The following SGCD variants were observed in gnomAD, a reference collection of about 807,000 sequenced individuals.
SGCD encodes the protein delta-sarcoglycan.
A neutral mutation model predicts 36.6 loss-of-function variants in SGCD; 18 were observed. The observed-to-expected ratio is 0.49, with a 90% CI of 0.34 to 0.73. SGCD has a LOEUF of 0.73. SGCD is among the 30% of genes least tolerant of loss of function. The pLI is 0.01. For missense variants in SGCD, 387 were observed against 346.7 expected, an observed-to-expected ratio of 1.12 and a Z score of -0.92; for synonymous variants, 133 against 130.6, an observed-to-expected ratio of 1.02 and a Z score of -0.12.
intron 3 of SGCD, among the ~76,000 whole-genome samples, chr5:156,210,572 A>G (rs994449911): frequency 3.3e-5 from 5 of 152,140 alleles, no homozygotes; most frequent in African/African-American, 1.2e-4. Context: ...GAAATCAAGA[A>G]AAGAATAAAT....
the SGCD span, among the ~76,000 whole-genome samples, chr5:155,828,534 G>T: frequency 6.6e-6 from 1 of 152,176 alleles, no homozygotes; most frequent in African/African-American, 2.4e-5. Flanking sequence ...TATGGTAGAT[G>T]TGTGTAGGAA....
At chr5:156,680,367 T>C (rs1421759419) in intron 7 of SGCD, among the ~76,000 whole-genome samples, 1 of 152,188 alleles carries the variant, frequency 6.6e-6, no homozygotes, top group African/African-American at 2.4e-5. Flanking sequence ...CCTGATCTCA[T>C]GATTACTAGA....
In SGCD at chr5:156,760,152, A is replaced by G. The variant is rs973674921; in HGVS notation, c.*762A>G. 1.3e-5 allele frequency: 2 copies of G among 152,196 alleles called. No homozygotes were observed. The highest frequency in any genetic ancestry group is 2.9e-5 in the Non-Finnish European group (2 of 68,048). 9.4% of individuals were successfully genotyped at this position (152,196 alleles called of 1,614,324 possible). A position where few individuals can be genotyped will look rare whatever the true frequency, so the allele number is the denominator to read the frequency against. ...GAGCTGTAAATCAGCACAAAATAAG[A>G]TAACAGCTGTTCCTCAGTGAGCTGG... On this transcript the variant is annotated 3_prime_UTR_variant, in exon 9 of 9. Coordinates refer to ENST00000337851, the MANE Select transcript of SGCD (RefSeq NM_000337.6).
intron 7 of SGCD, among the ~76,000 whole-genome samples, chr5:156,703,509 C>G (rs757336451): frequency 6.6e-6 from 1 of 151,734 alleles, no homozygotes; most frequent in African/African-American, 2.4e-5. Flanking sequence ...TTTTAACATG[C>G]ATTTAAAAGA....
chr5:155,987,086 G>A (rs978119685), intron 1 of SGCD, among the ~76,000 whole-genome samples: 1 of 152,190 alleles, frequency 6.6e-6, no homozygotes, highest in Admixed American at 6.5e-5. Context: ...ATAGGAGAAA[G>A]TGGACTTGAA....
At chr5:156,669,967 A>T (rs1753220224) in intron 7 of SGCD, among the ~76,000 whole-genome samples, 1 of 152,198 alleles carries the variant, frequency 6.6e-6, no homozygotes, top group African/African-American at 2.4e-5. Context: ...TTACTAGACC[A>T]TCTATGAAAG....
chr5:156,617,030 AG>A (rs1762047044), intron 6 of SGCD, among the ~76,000 whole-genome samples: 1 of 152,158 alleles, frequency 6.6e-6, no homozygotes, highest in Non-Finnish European at 1.5e-5. Flanking sequence ...ATTCTTCTTC[AG>A]GCTAGTTATC....
chr5:155,907,543 A>G (rs532099542), intron 1 of SGCD, among the ~76,000 whole-genome samples: 1 of 152,236 alleles, frequency 6.6e-6, no homozygotes, highest in African/African-American at 2.4e-5. Context: ...GTTGATTCCA[A>G]CCCTCATGAA....
chr5:155,858,525 A>G, the SGCD span, among the ~76,000 whole-genome samples: 1 of 152,242 alleles, frequency 6.6e-6, no homozygotes, highest in Admixed American at 6.5e-5. Context: ...TTGGCTTTAT[A>G]AACTCATCTT....
chr5:156,203,426 C>T (rs1469394573), intron 3 of SGCD, among the ~76,000 whole-genome samples: 2 of 152,084 alleles, frequency 1.3e-5, no homozygotes, highest in African/African-American at 2.4e-5. Flanking sequence ...ATAGTGGCAT[C>T]AAAGGATAGG....
intron 6 of SGCD, among the ~76,000 whole-genome samples, chr5:156,632,084 C>A (rs1349928593): frequency 1.3e-5 from 2 of 152,180 alleles, no homozygotes; most frequent in Non-Finnish European, 2.9e-5. Flanking sequence ...ACATCTTTCT[C>A]TCTTGTACAG....
At chr5:155,789,735 A>G in the SGCD span, among the ~76,000 whole-genome samples, 1 of 152,100 alleles carries the variant, frequency 6.6e-6, no homozygotes, top group South Asian at 2.1e-4. Flanking sequence ...ACACCTTCTT[A>G]TTTGGTCCTT....
At chr5:156,549,736 C>A (rs1223965395) in intron 4 of SGCD, among the ~76,000 whole-genome samples, 1 of 152,202 alleles carries the variant, frequency 6.6e-6, no homozygotes, top group Non-Finnish European at 1.5e-5. Context: ...GCATTCTATG[C>A]CATTGCCTAA....
At chr5:155,743,291 G>GCTCCT in the SGCD span, among the ~76,000 whole-genome samples, 1 of 152,192 alleles carries the variant, frequency 6.6e-6, no homozygotes, top group African/African-American at 2.4e-5. Flanking sequence ...AACAAAAGAT[G>GCTCCT]CTCCTATCAC....
the SGCD span, among the ~76,000 whole-genome samples, chr5:155,765,324 A>C: frequency 4.0e-5 from 6 of 148,848 alleles, no homozygotes; most frequent in African/African-American, 1.5e-4. Flanking sequence ...GGAAGGAAGA[A>C]GGAAGGAAGG....
chr5:155,939,300 TATC>T (rs566256365), intron 1 of SGCD, among the ~76,000 whole-genome samples: 295 of 152,286 alleles, frequency 1.9e-3, no homozygotes, highest in Admixed American at 2.4e-3. Context: ...TATTTCAAAA[TATC>T]ATGTTGTACA....
At chr5:156,355,041 C>T (rs1239905645) in intron 3 of SGCD, among the ~76,000 whole-genome samples, 1 of 152,164 alleles carries the variant, frequency 6.6e-6, no homozygotes, top group Non-Finnish European at 1.5e-5. Context: ...TTTAGTCACA[C>T]TTGTCATGTC....
intron 3 of SGCD, among the ~76,000 whole-genome samples, chr5:156,143,781 C>T (rs1360666039): frequency 6.6e-6 from 1 of 151,766 alleles, no homozygotes; most frequent in Admixed American, 6.6e-5. Context: ...TACATGTGTA[C>T]AATGTGCAGG....
At chr5:156,121,971 A>C (rs1213332762) in intron 2 of SGCD, among the ~76,000 whole-genome samples, 2 of 152,320 alleles carry the variant, frequency 1.3e-5, no homozygotes, top group African/African-American at 4.8e-5. Context: ...TCCTAGAAAT[A>C]GTTTTGGGGC....
Sources: gnomAD v4.1 joint callset for allele counts (sites outside exome capture counted in the v4.1 genomes callset) on GRCh38, gnomAD v4.1.1 for gene constraint, MANE v1.5 for transcripts, NCBI Gene and HGNC (gene_info 2026-07-23, HGNC 2026-07-21) for gene names.